The following CDYL2 variants were observed in gnomAD, a reference collection of about 807,000 sequenced individuals.
The protein encoded by CDYL2 is chromodomain Y like 2.
Under a neutral mutation model 49.4 loss-of-function variants are expected in CDYL2, and 23 were observed. The ratio of observed to expected loss-of-function variants is 0.47; its 90% confidence interval spans 0.34 to 0.66. The LOEUF (loss-of-function observed/expected upper bound fraction) is 0.66. CDYL2 is among the 30% of genes least tolerant of loss of function. The pLI, the probability that CDYL2 is intolerant of heterozygous loss-of-function variation, is 0.01. For synonymous variants in CDYL2, 360 were observed against 268.8 expected (o/e 1.34, Z -3.32); for missense variants, 678 against 656.4 (o/e 1.03, Z -0.36).
At chr16:80,620,282 C>T (rs1907020624) in intron 4 of CDYL2, among the ~76,000 whole-genome samples, 1 of 152,200 alleles carries the variant, frequency 6.6e-6, no homozygotes, top group Non-Finnish European at 1.5e-5. Context: ...CTCTGTACCC[C>T]GTTGGGTCTG....
chr16:80,790,340 A>G (rs557075218), intron 1 of CDYL2, among the ~76,000 whole-genome samples: 3 of 152,362 alleles, frequency 2.0e-5, no homozygotes, highest in South Asian at 4.1e-4. Context: ...CATCTCTGCC[A>G]TGTGTGATAA....
intron 1 of CDYL2, among the ~76,000 whole-genome samples, chr16:80,752,773 C>G (rs1181995092): frequency 1.3e-5 from 2 of 152,158 alleles, no homozygotes; most frequent in Non-Finnish European, 2.9e-5. Context: ...GTAAATACTC[C>G]CGCTGTGGCT....
At chr16:80,749,742 A>T (rs13333532) in intron 1 of CDYL2, among the ~76,000 whole-genome samples, 26,097 of 150,614 alleles carry the variant, frequency 0.17, 2,711 homozygotes, top group African/African-American at 0.31. Flanking sequence ...AAAAAAATTT[A>T]AAAAAAAGCA....
At chr16:80,707,564 G>C (rs1400528946) in intron 1 of CDYL2, among the ~76,000 whole-genome samples, 1 of 152,182 alleles carries the variant, frequency 6.6e-6, no homozygotes, top group Non-Finnish European at 1.5e-5. Context: ...GACTGTAAAT[G>C]CTCCAGTTGG....
chr16:80,632,753 A>G, intron 3 of CDYL2: 1 of 414,564 alleles, frequency 2.4e-6, no homozygotes, highest in South Asian at 3.2e-5. Context: ...CCCCTTGGCT[A>G]AGTCTGTGTC....
chr16:80,752,553 G>A (rs984122895), intron 1 of CDYL2, among the ~76,000 whole-genome samples: 1 of 152,030 alleles, frequency 6.6e-6, no homozygotes, highest in Non-Finnish European at 1.5e-5. Flanking sequence ...GAAGCAGGAG[G>A]AACAACAATA....
Position 80,608,244 on chromosome 16 carries a change from G to C in CDYL2, c.1219-9C>G. 1 of 1,553,912 alleles carries C rather than the reference G, an allele frequency of 6.4e-7. No individual in the cohort carries two copies. Among genetic ancestry groups the C allele is most frequent in the South Asian group, 1.2e-5 (1 of 83,942 alleles). On this transcript the variant is annotated splice_polypyrimidine_tract_variant and intron_variant, in intron 5 of 6. Transcript: ENST00000570137. Reference sequence around the variant, plus strand: ...AACAGCATCTCATTGGCCTGAAAAAGCAAAAGCAGGCAAAGACTGAGGGCC... The same window carrying C: ...AACAGCATCTCATTGGCCTGAAAAACCAAAAGCAGGCAAAGACTGAGGGCC...
chr16:80,598,905 C>A lies in CDYL2; in HGVS notation c.*5483G>T, dbSNP rs1422979170. The A allele has an allele frequency of 6.6e-6, 1 of 152,062 alleles. No homozygotes were observed. Among genetic ancestry groups the A allele is most frequent in the Non-Finnish European group, 1.5e-5 (1 of 68,026 alleles). 9.4% of individuals were successfully genotyped at this position (152,062 alleles called of 1,614,324 possible). ...CAGGCTTTGTTAGAATAATGGAATT[C>A]TTTGGTTCTCGGTTTTATGAAAGGC... On this transcript the variant is annotated 3_prime_UTR_variant, in exon 7 of 7. Transcript: ENST00000570137.
intron 3 of CDYL2, among the ~76,000 whole-genome samples, chr16:80,626,260 G>C (rs1268895957): frequency 1.1e-5 from 1 of 89,530 alleles, no homozygotes; most frequent in African/African-American, 4.9e-5. Context: ...CTCGGTGACA[G>C]AATGAAATCC....
At chr16:80,604,611 T>G in intron 6 of CDYL2, 65 bp from the exon 7 acceptor site, 2 of 1,574,318 alleles carry the variant, frequency 1.3e-6, no homozygotes, top group East Asian at 2.2e-5. Context: ...ACTAGGTACC[T>G]GGCCCATGGG....
At position 80,804,175 on chromosome 16, in the gene CDYL2, C is replaced by A. The variant is rs749809757; in HGVS notation, c.-2G>T. On this transcript the variant is annotated 5_prime_UTR_variant, in exon 1 of 7. Coordinates refer to ENST00000570137, the MANE Select transcript of CDYL2 (RefSeq NM_152342.4). ...CTCGTAAAGGTCCCCAGAAGCCATGCCAGGCTGCGGAACTTGGCTCGCCGG... is the reference window on the plus strand; with the variant it reads ...CTCGTAAAGGTCCCCAGAAGCCATGACAGGCTGCGGAACTTGGCTCGCCGG... The A allele has an allele frequency of 8.3e-6, 11 of 1,317,962 alleles. No homozygotes were observed. The Admixed American group carries it at 1.1e-4, about 13-fold the overall frequency. 81.6% of individuals were successfully genotyped at this position (1,317,962 alleles called of 1,614,324 possible). A position where few individuals can be genotyped will look rare whatever the true frequency, so the allele number is the denominator to read the frequency against.
At position 80,612,891 on chromosome 16, in the gene CDYL2, C is replaced by G; in HGVS notation, c.1008-55G>C. The G allele has an allele frequency of 6.7e-7, 1 of 1,487,962 alleles. No homozygotes were observed. The highest frequency in any genetic ancestry group is 9.1e-7 in the Non-Finnish European group (1 of 1,103,902). The allele number at this position is 1,487,962 out of a possible 1,614,324, so 92.2% of individuals were successfully genotyped here. On this transcript the variant is annotated intron_variant, in intron 4 of 6. Coordinates refer to ENST00000570137, the MANE Select transcript of CDYL2 (RefSeq NM_152342.4). The surrounding 1 kb of genome is among the most constrained non-coding windows in gnomAD (Gnocchi z 5.0). ...GGTGACTATAGCATGCTAAGCCCCA[C>G]TGGAACCCTTGACTCTCCCAGGTGC...
chr16:80,775,977 T>A (rs1197988063), intron 1 of CDYL2, among the ~76,000 whole-genome samples: 1 of 151,852 alleles, frequency 6.6e-6, no homozygotes, highest in Non-Finnish European at 1.5e-5. Flanking sequence ...TCAGTAACAC[T>A]GCAAAAGAAG....
chr16:80,678,057 T>C (rs1232806147), intron 2 of CDYL2, among the ~76,000 whole-genome samples: 1 of 151,998 alleles, frequency 6.6e-6, no homozygotes, highest in East Asian at 1.9e-4. Context: ...TGGCTAGCCA[T>C]ATGTAGAAAG....
chr16:80,639,712 G>C (rs1192765452), intron 2 of CDYL2: 15 of 455,934 alleles, frequency 3.3e-5, no homozygotes, highest in Non-Finnish European at 5.3e-5. Flanking sequence ...AAGCACCGAA[G>C]AGGTAAGAAA....
intron 2 of CDYL2, among the ~76,000 whole-genome samples, chr16:80,659,061 ATG>A (rs1908928336): frequency 2.6e-5 from 3 of 114,136 alleles, no homozygotes; most frequent in Non-Finnish European, 6.2e-5. Context: ...TGATGGATGG[ATG>A]GATGGATGGA....
At chr16:80,633,300 C>T (rs900923446) in intron 2 of CDYL2, 64 bp from the exon 3 acceptor site, 4 of 1,515,802 alleles carry the variant, frequency 2.6e-6, no homozygotes, top group Non-Finnish European at 3.6e-6. Context: ...AGGATGTGAT[C>T]AGAGGACGTT....
intron 1 of CDYL2, among the ~76,000 whole-genome samples, chr16:80,689,886 T>A (rs1910343876): frequency 6.6e-6 from 1 of 152,108 alleles, no homozygotes; most frequent in African/African-American, 2.4e-5. Context: ...TTTGGGAGGC[T>A]GAGGTGGCCG....
intron 3 of CDYL2, among the ~76,000 whole-genome samples, chr16:80,627,294 A>T (rs1436664267): frequency 6.7e-6 from 1 of 148,952 alleles, no homozygotes; most frequent in Non-Finnish European, 1.5e-5. Flanking sequence ...GAGGCAAATA[A>T]AAAAAAAAAG....
Sources: allele counts gnomAD v4.1 joint callset (sites outside exome capture counted in the v4.1 genomes callset), GRCh38; gene constraint gnomAD v4.1.1; non-coding constraint Gnocchi (gnomAD v3.1); transcripts MANE v1.5; gene names NCBI Gene and HGNC (gene_info 2026-07-23, HGNC 2026-07-21).